Variants in CNIH3 observed in about 807,000 individuals in gnomAD.
CNIH3 encodes the protein cornichon family AMPA receptor auxiliary protein 3, also known as protein cornichon homolog 3.
CNIH3 carries 14 observed loss-of-function variants against 24.1 expected under a neutral mutation model. The ratio of observed to expected loss-of-function variants is 0.58; its 90% CI spans 0.38 to 0.91. The LOEUF (loss-of-function observed/expected upper bound fraction) is 0.91, where lower values mean the gene tolerates loss of function less well. Among genes scored for constraint, CNIH3 ranks in the 40% least tolerant of loss-of-function variants. The probability of loss-of-function intolerance (pLI) is 0.00; values close to 1 mark genes in which losing one functional copy is unlikely to be tolerated. For synonymous variants in CNIH3, 68 were observed against 73.8 expected (o/e 0.92, Z 0.40); for missense variants, 178 against 196.8 (o/e 0.90, Z 0.57).
At chr1:224,617,343 T>A (rs959821846) in intron 1 of CNIH3, 88 bp downstream of exon 1, 13 of 1,424,968 alleles carry the variant, frequency 9.1e-6, no homozygotes, top group Non-Finnish European at 1.3e-5. Flanking sequence ...CTTGCGGGCG[T>A]GGGCGAACCG....
At chr1:224,467,301 C>T (rs1442031398) in intron 1 of CNIH3, among the ~76,000 whole-genome samples, 2 of 152,192 alleles carry the variant, frequency 1.3e-5, no homozygotes, top group Non-Finnish European at 2.9e-5. Flanking sequence ...TCCCAAAGTG[C>T]TGTGAATACA....
intron 3 of CNIH3, chr1:224,717,643 A>G (rs1203172650): frequency 6.6e-6 from 1 of 152,202 alleles, no homozygotes; most frequent in Non-Finnish European, 1.5e-5. Context: ...CTCCCGATCT[A>G]TTGTAAGGTC....
intron 1 of CNIH3, among the ~76,000 whole-genome samples, chr1:224,444,683 C>T (rs1413559973): frequency 2.0e-5 from 3 of 150,846 alleles, no homozygotes. Context: ...CTTTCTCTGT[C>T]ACCCAGGCTG....
chr1:224,599,172 A>T lies in CNIH3; in HGVS notation n.402+32908A>T, dbSNP rs529217854. On this transcript the variant is annotated intron_variant and non_coding_transcript_variant, in intron 3 of 7. Transcript: ENST00000478120. ...AAAAACCGCCACCCTTTATTTGCTT[A>T]TAATTCTGCAATATGAAATGGGCTC... is the stretch of plus-strand genomic sequence containing the variant. 9.2e-5 allele frequency among the ~76,000 whole-genome samples: 14 copies of T among 152,296 alleles called. 1 individual carries two copies. In the East Asian group the frequency reaches 2.5e-3, roughly 27 times the overall value.
At chr1:224,653,820 C>T (rs1684974906) in intron 1 of CNIH3, among the ~76,000 whole-genome samples, 1 of 152,216 alleles carries the variant, frequency 6.6e-6, no homozygotes, top group African/African-American at 2.4e-5. Context: ...TGGTGCACAC[C>T]TGTAATCCCA....
intron 3 of CNIH3, among the ~76,000 whole-genome samples, chr1:224,715,033 C>CCCCTTGTTTT (rs1487985649): frequency 6.6e-6 from 1 of 152,180 alleles, no homozygotes; most frequent in Non-Finnish European, 1.5e-5. Context: ...TTGAAAACAA[C>CCCCTTGTTTT]CAATCAACAA....
intron 1 of CNIH3, among the ~76,000 whole-genome samples, chr1:224,457,271 C>CTGTGTG (rs1355352698): frequency 1.8e-4 from 15 of 82,262 alleles, no homozygotes; most frequent in South Asian, 6.5e-4. Context: ...CCTCCTCTCT[C>CTGTGTG]TCTCTGTGTG....
intron 3 of CNIH3, among the ~76,000 whole-genome samples, chr1:224,556,396 T>G (rs1221731498): frequency 6.6e-6 from 1 of 152,172 alleles, no homozygotes. Flanking sequence ...CTTCATAGAT[T>G]CTATTCCAAA....
chr1:224,513,815 A>C (rs917960600), upstream of CNIH3: 8 of 152,244 alleles, frequency 5.3e-5, no homozygotes, highest in Non-Finnish European at 7.3e-5. Context: ...TCACACGACC[A>C]TTGAGAGGCT....
At chr1:224,532,576 A>G (rs1679117237) in intron 2 of CNIH3, among the ~76,000 whole-genome samples, 1 of 152,220 alleles carries the variant, frequency 6.6e-6, no homozygotes, top group Non-Finnish European at 1.5e-5. Flanking sequence ...CCTGAGATCT[A>G]GCTTGGAGCC....
chr1:224,665,701 AT>A (rs1685566877), intron 1 of CNIH3, among the ~76,000 whole-genome samples: 1 of 152,242 alleles, frequency 6.6e-6, no homozygotes, highest in Non-Finnish European at 1.5e-5. Context: ...TGTGCTTTAG[AT>A]TTAGGGTTTA....
chr1:224,487,571 T>C (rs180890848), intron 1 of CNIH3, among the ~76,000 whole-genome samples: 3 of 152,370 alleles, frequency 2.0e-5, no homozygotes, highest in Admixed American at 2.0e-4. Context: ...TAGTTACAGC[T>C]ATCATCTGCA....
intron 1 of CNIH3, among the ~76,000 whole-genome samples, chr1:224,503,784 G>A (rs1677784859): frequency 6.6e-6 from 1 of 152,234 alleles, no homozygotes; most frequent in African/African-American, 2.4e-5. Flanking sequence ...CCTCTGGCAG[G>A]GATTGCCGTG....
intron 2 of CNIH3, among the ~76,000 whole-genome samples, chr1:224,531,859 A>C (rs1261263800): frequency 6.6e-6 from 1 of 152,278 alleles, no homozygotes; most frequent in East Asian, 1.9e-4. Context: ...GAAGTGGAGG[A>C]AGTCTATTTG....
At chr1:224,527,287 A>G (rs886542364) in intron 2 of CNIH3, among the ~76,000 whole-genome samples, 1 of 152,192 alleles carries the variant, frequency 6.6e-6, no homozygotes, top group African/African-American at 2.4e-5. Flanking sequence ...CCCTACTGAC[A>G]TTGTAAATAA....
intron 1 of CNIH3, among the ~76,000 whole-genome samples, chr1:224,634,124 C>T (rs1490865605): frequency 1.3e-5 from 2 of 152,236 alleles, no homozygotes; most frequent in East Asian, 3.8e-4. Flanking sequence ...CTCCACTTCT[C>T]ATGAAAACGT....
chr1:224,435,163 G>A (rs1674591361), intron 1 of CNIH3: 2 of 986,206 alleles, frequency 2.0e-6, no homozygotes, highest in Middle Eastern at 5.2e-4. Flanking sequence ...CGGAGGGACT[G>A]CACCTTCTCC....
chr1:224,461,997 A>C (rs1448366161), intron 1 of CNIH3, among the ~76,000 whole-genome samples: 1 of 152,114 alleles, frequency 6.6e-6, no homozygotes, highest in East Asian at 1.9e-4. Flanking sequence ...TTTTTTTAAA[A>C]AAAAGACTTT....
intron 2 of CNIH3, among the ~76,000 whole-genome samples, chr1:224,682,258 T>C (rs2125145650): frequency 6.6e-6 from 1 of 152,350 alleles, no homozygotes; most frequent in Non-Finnish European, 1.5e-5. Context: ...AATAATGCTA[T>C]GAGACAGGCA....
Sources: allele counts gnomAD v4.1 joint callset (sites outside exome capture counted in the v4.1 genomes callset), GRCh38; gene constraint gnomAD v4.1.1; transcripts MANE v1.5; gene names NCBI Gene and HGNC (gene_info 2026-07-23, HGNC 2026-07-21).